The following FHIT variants were observed in gnomAD, a reference collection of about 807,000 sequenced individuals.
FHIT encodes the protein fragile histidine triad diadenosine triphosphatase, also known as bis(5'-adenosyl)-triphosphatase.
Under a neutral mutation model 17.9 loss-of-function variants are expected in FHIT, and 19 were observed. That is an observed-to-expected ratio of 1.06 (90% CI 0.74 to 1.56). The LOEUF (loss-of-function observed/expected upper bound fraction) is 1.56, where lower values mean the gene tolerates loss of function less well. FHIT is among the 40% of genes most tolerant of loss of function. The pLI is 0.00. For synonymous variants in FHIT, 81 were observed against 69.7 expected, an observed-to-expected ratio of 1.16 and a Z score of -0.81; for missense variants, 248 against 189.2, an observed-to-expected ratio of 1.31 and a Z score of -1.82.
At chr3:60,199,670 T>C (rs959273011) in intron 5 of FHIT, among the ~76,000 whole-genome samples, 20 of 152,174 alleles carry the variant, frequency 1.3e-4, no homozygotes, top group African/African-American at 4.6e-4. Context: ...ATTTCTGTTA[T>C]GTTTTTATCC....
intron 4 of FHIT, among the ~76,000 whole-genome samples, chr3:60,585,033 A>C (rs1353990574): frequency 1.3e-5 from 2 of 152,008 alleles, no homozygotes; most frequent in African/African-American, 4.8e-5. Flanking sequence ...CAACAAAACT[A>C]TTTTAATACA....
intron 5 of FHIT, among the ~76,000 whole-genome samples, chr3:60,026,594 C>A (rs1218085540): frequency 6.6e-6 from 1 of 152,146 alleles, no homozygotes; most frequent in African/African-American, 2.4e-5. Context: ...ATCTTATAAT[C>A]ATTTAGTCTT....
chr3:60,259,487 C>A (rs1399142403), intron 5 of FHIT, among the ~76,000 whole-genome samples: 2 of 152,120 alleles, frequency 1.3e-5, no homozygotes, highest in African/African-American at 2.4e-5. Flanking sequence ...ATTCTGAGGA[C>A]AGGATGGGAA....
intron 4 of FHIT, among the ~76,000 whole-genome samples, chr3:60,571,335 C>CAATAAAAAAAAAAA (rs750168873): frequency 5.5e-5 from 3 of 54,676 alleles, no homozygotes; most frequent in Non-Finnish European, 9.6e-5. Context: ...GACTCCATCG[C>CAATAAAAAAAAAAA]AAAAAAAAAA....
chr3:59,750,291 C>T (rs753736009), intron 9 of FHIT: 40 of 225,648 alleles, frequency 1.8e-4, no homozygotes, highest in Middle Eastern at 2.7e-3. Flanking sequence ...AAGGCTAAAG[C>T]TTTCTAGCCT....
At chr3:60,980,645 A>G (rs1710454393) in intron 3 of FHIT, among the ~76,000 whole-genome samples, 1 of 152,118 alleles carries the variant, frequency 6.6e-6, no homozygotes, top group South Asian at 2.1e-4. Context: ...TCAGGAAAAG[A>G]TGGGGGAATG....
intron 2 of FHIT, among the ~76,000 whole-genome samples, chr3:61,151,189 C>T (rs969739531): frequency 6.6e-6 from 1 of 152,240 alleles, no homozygotes; most frequent in Non-Finnish European, 1.5e-5. Context: ...TGTGGCCTAC[C>T]GAAGTGCTTT....
intron 4 of FHIT, among the ~76,000 whole-genome samples, chr3:60,563,546 A>G (rs1166163786): frequency 6.6e-6 from 1 of 152,228 alleles, no homozygotes; most frequent in African/African-American, 2.4e-5. Context: ...CCAAACAGCC[A>G]CGCTGTGAAT....
chr3:60,242,365 T>G (rs1259427751), intron 5 of FHIT, among the ~76,000 whole-genome samples: 2 of 152,090 alleles, frequency 1.3e-5, no homozygotes, highest in African/African-American at 2.4e-5. Context: ...CAGTACATAC[T>G]TACATCCTTT....
chr3:59,753,800 C>T (rs1038353988), intron 8 of FHIT, among the ~76,000 whole-genome samples: 12 of 152,102 alleles, frequency 7.9e-5, no homozygotes, highest in Admixed American at 2.0e-4. Context: ...GTTCATACCC[C>T]GGTCCAAAGA....
chr3:60,645,296 C>T (rs2039828963), intron 4 of FHIT, among the ~76,000 whole-genome samples: 1 of 152,154 alleles, frequency 6.6e-6, no homozygotes, highest in Non-Finnish European at 1.5e-5. Context: ...TCCTACCCTA[C>T]CACCCAAGCA....
chr3:60,288,970 C>T (rs1360945509), intron 5 of FHIT, among the ~76,000 whole-genome samples: 1 of 152,056 alleles, frequency 6.6e-6, no homozygotes, highest in Non-Finnish European at 1.5e-5. Context: ...GGTCTTTTGC[C>T]TATATTCACA....
At chr3:60,089,726 G>A (rs1703650441) in intron 5 of FHIT, among the ~76,000 whole-genome samples, 1 of 152,164 alleles carries the variant, frequency 6.6e-6, no homozygotes, top group Non-Finnish European at 1.5e-5. Context: ...CAAGATCAAG[G>A]TCCTAGCATC....
At position 60,761,538 on chromosome 3, in the gene FHIT, T is replaced by C. The variant is rs17063930; in HGVS notation, c.-18+60381A>G. On this transcript the variant is annotated intron_variant, in intron 4 of 9. Transcript: ENST00000492590. ...AAGTATAAAGGAGACCCTTTGAATGTCTGATTTGAAAAAAGAACAAAATCA... is the reference window on the plus strand; with the variant it reads ...AAGTATAAAGGAGACCCTTTGAATGCCTGATTTGAAAAAAGAACAAAATCA... Among the ~76,000 whole-genome samples, 30 of 152,040 alleles carry C rather than the reference T, an allele frequency of 2.0e-4. 2 individuals are homozygous for C. In the South Asian group the frequency reaches 4.8e-3, roughly 24 times the overall value.
At chr3:59,756,186 C>A (rs1701209068) in intron 8 of FHIT, among the ~76,000 whole-genome samples, 1 of 151,634 alleles carries the variant, frequency 6.6e-6, no homozygotes, top group Non-Finnish European at 1.5e-5. Flanking sequence ...CTCCATGGTT[C>A]CCCAGTGATC....
intron 8 of FHIT, among the ~76,000 whole-genome samples, chr3:59,764,009 T>A (rs1701665309): frequency 6.6e-6 from 1 of 152,148 alleles, no homozygotes; most frequent in Non-Finnish European, 1.5e-5. Context: ...AAAGCTGTAA[T>A]AAATCCAAAC....
chr3:60,707,967 T>A (rs1242677481), intron 4 of FHIT, among the ~76,000 whole-genome samples: 1 of 152,232 alleles, frequency 6.6e-6, no homozygotes, highest in South Asian at 2.1e-4. Flanking sequence ...GAATACGCTA[T>A]AGTTTTCAAT....
chr3:60,568,237 C>G (rs2734364), intron 4 of FHIT, among the ~76,000 whole-genome samples: 136,020 of 152,256 alleles, frequency 0.89, 60,995 homozygotes, highest in African/African-American at 0.97. Flanking sequence ...ACTGGATTAA[C>G]AAAATGTGGC....
chr3:60,597,570 G>A (rs2038310405), intron 4 of FHIT, among the ~76,000 whole-genome samples: 1 of 152,080 alleles, frequency 6.6e-6, no homozygotes, highest in African/African-American at 2.4e-5. Context: ...TTCATGAAAA[G>A]CTCTAGTTCA....
Sources: allele counts gnomAD v4.1 joint callset (sites outside exome capture counted in the v4.1 genomes callset), GRCh38; gene constraint gnomAD v4.1.1; transcripts MANE v1.5; gene names NCBI Gene and HGNC (gene_info 2026-07-23, HGNC 2026-07-21).